Variants in ACOXL observed in about 807,000 individuals in gnomAD.
ACOXL encodes the protein acyl-CoA oxidase like.
ACOXL carries 70 observed loss-of-function variants against 71.9 expected under a neutral mutation model. That is an observed-to-expected ratio of 0.97 (90% CI 0.80 to 1.19). ACOXL has a LOEUF of 1.19. Ranked by LOEUF, ACOXL falls within the 50% of genes most tolerant of loss-of-function variation. The pLI, the probability that ACOXL is intolerant of heterozygous loss-of-function variation, is 0.00. For missense variants in ACOXL, 703 were observed against 736.3 expected, an observed-to-expected ratio of 0.95 and a Z score of 0.52; for synonymous variants, 253 against 281.6, an observed-to-expected ratio of 0.90 and a Z score of 1.02.
At chr2:110,836,008 C>T (rs1446704569) in intron 9 of ACOXL, among the ~76,000 whole-genome samples, 9 of 152,202 alleles carry the variant, frequency 5.9e-5, no homozygotes, top group African/African-American at 2.2e-4. Context: ...GGCCACAAAG[C>T]TCACTGTTAC....
intron 10 of ACOXL, among the ~76,000 whole-genome samples, chr2:110,870,046 C>T (rs776032158): frequency 5.9e-5 from 9 of 152,264 alleles, no homozygotes; most frequent in Non-Finnish European, 1.0e-4. Flanking sequence ...TATTTAAACC[C>T]ATGGGGGAGT....
chr2:110,898,848 T>C (rs1056110442), intron 10 of ACOXL, among the ~76,000 whole-genome samples: 1 of 152,028 alleles, frequency 6.6e-6, no homozygotes, highest in African/African-American at 2.4e-5. Flanking sequence ...CCCCAAGATA[T>C]CTACAAAAAA....
chr2:110,908,841 C>T lies in ACOXL; in HGVS notation c.841C>T (p.Gln281Ter). ...TKEEVKIIEHQTQTLRLMPHL... is the reference protein window; with the variant it reads ...TKEEVKIIEH ...GGAAGAGGTGAAGATCATTGAGCAC[C>T]AAACACAGACCCTGCGGCTGATGCC... The change falls in exon 11 of 18, where the codon CAA becomes TAA. Residue 281 changes from glutamine (Q) to a stop codon, truncating the protein, a stop_gained. Transcript: ENST00000439055. LOFTEE classifies it high-confidence loss of function. 1 of 1,614,166 alleles carries T rather than the reference C, an allele frequency of 6.2e-7. No homozygotes were observed. Among genetic ancestry groups the T allele is most frequent in the South Asian group, 1.1e-5 (1 of 91,068 alleles).
At chr2:110,920,027 A>G (rs1287352915) in intron 11 of ACOXL, among the ~76,000 whole-genome samples, 2 of 152,224 alleles carry the variant, frequency 1.3e-5, no homozygotes, top group African/African-American at 4.8e-5. Flanking sequence ...ACTAAAAACT[A>G]TTCTCAACAA....
intron 10 of ACOXL, among the ~76,000 whole-genome samples, chr2:110,868,810 T>C (rs1184706663): frequency 1.3e-5 from 2 of 152,238 alleles, no homozygotes; most frequent in Admixed American, 1.3e-4. Context: ...AGGCTGGTCA[T>C]GAATTCCTGG....
chr2:110,803,498 C>T (rs1686244986), intron 8 of ACOXL, among the ~76,000 whole-genome samples: 1 of 151,984 alleles, frequency 6.6e-6, no homozygotes, highest in Admixed American at 6.6e-5. Flanking sequence ...ACCTTTACTG[C>T]CTACCATATA....
chr2:110,932,210 C>G (rs1387081309), intron 11 of ACOXL, among the ~76,000 whole-genome samples: 1 of 152,306 alleles, frequency 6.6e-6, no homozygotes, highest in South Asian at 2.1e-4. Context: ...TAAAATACAT[C>G]TCACCTATAG....
chr2:110,942,847 GGACTCCAGCCTGGGT>G (rs2060916057), intron 12 of ACOXL, among the ~76,000 whole-genome samples: 1 of 150,906 alleles, frequency 6.6e-6, no homozygotes, highest in East Asian at 1.9e-4. Context: ...TCATGCCACT[GGACTCCAGCCTGGGT>G]GACAGAGTGT....
At chr2:111,019,435 G>T (rs145094249) in intron 14 of ACOXL, among the ~76,000 whole-genome samples, 1 of 152,176 alleles carries the variant, frequency 6.6e-6, no homozygotes, top group South Asian at 2.1e-4. Context: ...CGAAAGGCTC[G>T]GTAATGAAAA....
At chr2:110,968,325 G>A in intron 12 of ACOXL, 2 of 1,197,554 alleles carry the variant, frequency 1.7e-6, no homozygotes, top group East Asian at 2.3e-5. Context: ...GCTCCCTGAA[G>A]GGAGCTGTGG....
chr2:110,915,428 A>ATTTT (rs56961921), intron 11 of ACOXL, among the ~76,000 whole-genome samples: 8 of 108,000 alleles, frequency 7.4e-5, no homozygotes, highest in African/African-American at 2.1e-4. Context: ...ATATATATAT[A>ATTTT]TTTTTTTTTT....
At position 111,003,550 on chromosome 2, in the gene ACOXL, C is replaced by CAA. The variant is rs548001377; in HGVS notation, c.1281+7574_1281+7575dup. On this transcript the variant is annotated intron_variant, in intron 14 of 17. Coordinates refer to ENST00000439055, the MANE Select transcript of ACOXL (RefSeq NM_001142807.4). ...TGGGCGACAGGGCGAGACTCTGTCT[C>CAA]AAAAAAAAAAAAAAAAAAAAAAAAA... 2.7e-3 allele frequency among the ~76,000 whole-genome samples: 94 copies of CAA among 35,332 alleles called. 12 individuals are homozygous for CAA. Among genetic ancestry groups the CAA allele is most frequent in the African/African-American group, 8.2e-3 (84 of 10,272 alleles). 23.2% of individuals were successfully genotyped at this position (35,332 alleles called of 152,430 possible).
chr2:110,889,317 T>G (rs1319040000), intron 10 of ACOXL, among the ~76,000 whole-genome samples: 1 of 152,204 alleles, frequency 6.6e-6, no homozygotes, highest in African/African-American at 2.4e-5. Context: ...CAACTAATTT[T>G]TTTTAAAACA....
At chr2:110,940,994 C>G (rs1003936214) in intron 12 of ACOXL, among the ~76,000 whole-genome samples, 1 of 152,184 alleles carries the variant, frequency 6.6e-6, no homozygotes, top group African/African-American at 2.4e-5. Flanking sequence ...GTGGTATAAT[C>G]TGTTCCTTTT....
chr2:110,922,212 T>A (rs564819545), intron 11 of ACOXL, among the ~76,000 whole-genome samples: 1 of 152,218 alleles, frequency 6.6e-6, no homozygotes, highest in African/African-American at 2.4e-5. Flanking sequence ...TTTGAAAGTT[T>A]TTTTTGGTTG....
chr2:111,067,392 T>C (rs1164098043), intron 16 of ACOXL, among the ~76,000 whole-genome samples: 1 of 152,182 alleles, frequency 6.6e-6, no homozygotes, highest in African/African-American at 2.4e-5. Context: ...GGTGCATTTT[T>C]ATAAGTGCTA....
intron 10 of ACOXL, among the ~76,000 whole-genome samples, chr2:110,897,609 C>T (rs996507941): frequency 6.6e-6 from 1 of 152,228 alleles, no homozygotes; most frequent in African/African-American, 2.4e-5. Flanking sequence ...TAGGCCTCAC[C>T]TCCCAACACT....
At chr2:110,785,254 T>C (rs1683811184) in intron 3 of ACOXL, among the ~76,000 whole-genome samples, 1 of 152,168 alleles carries the variant, frequency 6.6e-6, no homozygotes, top group South Asian at 2.1e-4. Context: ...AACCCTTTAG[T>C]CATGGTGACA....
intron 6 of ACOXL, 69 bp from the exon 7 acceptor site, chr2:110,798,945 A>G (rs1685606529): frequency 1.3e-6 from 2 of 1,486,266 alleles, no homozygotes; most frequent in Admixed American, 3.3e-5. Context: ...CAGAAATGTT[A>G]TACTATTCCA....
Sources: gnomAD v4.1 joint callset for allele counts (sites outside exome capture counted in the v4.1 genomes callset) on GRCh38, gnomAD v4.1.1 for gene constraint, MANE v1.5 for transcripts, NCBI Gene and HGNC (gene_info 2026-07-23, HGNC 2026-07-21) for gene names.